Variants in GSE1 observed in about 807,000 individuals in gnomAD.
GSE1 encodes genetic suppressor element 1.
GSE1 carries 32 observed loss-of-function variants against 112.6 expected under a neutral mutation model. The ratio of observed to expected loss-of-function variants is 0.28; its 90% confidence interval spans 0.21 to 0.38. GSE1 has a LOEUF of 0.38. Among genes scored for constraint, GSE1 ranks in the 10% least tolerant of loss-of-function variants. GSE1 has a pLI of 1.00. For missense variants in GSE1, 2,348 were observed against 1,699.2 expected (o/e 1.38, Z -6.71); for synonymous variants, 1,115 against 735.6 (o/e 1.52, Z -8.35).
At chr16:85,430,557 G>A (rs1567480682) in intron 2 of GSE1, among the ~76,000 whole-genome samples, 1 of 152,240 alleles carries the variant, frequency 6.6e-6, no homozygotes, top group Admixed American at 6.5e-5. Context: ...CCAGGGGGCG[G>A]AGGGGTGAGC....
chr16:85,169,617 C>T, exon 1 of GSE1: 3 of 982,764 alleles, frequency 3.1e-6, no homozygotes, highest in African/African-American at 3.5e-5. Flanking sequence ...TCTCCTGCTT[C>T]ATCTGCGGCG....
intron 8 of GSE1, among the ~76,000 whole-genome samples, chr16:85,659,010 C>A (rs901988730): frequency 2.0e-5 from 3 of 152,352 alleles, no homozygotes; most frequent in Admixed American, 6.5e-5. Context: ...TGACAGGGCC[C>A]TCATGCTCCA....
intron 1 of GSE1, among the ~76,000 whole-genome samples, chr16:85,191,622 C>T (rs749396381): frequency 8.5e-5 from 13 of 152,194 alleles, no homozygotes; most frequent in East Asian, 1.9e-4. Flanking sequence ...TGGAACTCTA[C>T]GTGCCGCTGT....
At chr16:85,656,773 G>A in intron 7 of GSE1, 108 bp downstream of exon 7, 1 of 1,400,806 alleles carries the variant, frequency 7.1e-7, no homozygotes, top group Non-Finnish European at 9.4e-7. Flanking sequence ...TTCCCCAGCT[G>A]AGTTCGCCCT....
At chr16:85,170,873 T>A (rs2074348257) in exon 1 of GSE1, 47 of 985,394 alleles carry the variant, frequency 4.8e-5, no homozygotes, top group Non-Finnish European at 5.7e-5. Context: ...CTCTATGTGG[T>A]GCCCCTGGAC....
chr16:85,541,404 C>T (rs2044513477), intron 2 of GSE1, among the ~76,000 whole-genome samples: 1 of 152,244 alleles, frequency 6.6e-6, no homozygotes, highest in Admixed American at 6.5e-5. Flanking sequence ...ACACAGCAGC[C>T]ACCTGGCTGG....
chr16:85,169,597 G>C (rs1057285638), exon 1 of GSE1: 5 of 982,262 alleles, frequency 5.1e-6, no homozygotes, highest in African/African-American at 1.8e-5. Context: ...GGCTGCGGGC[G>C]GCGCGCCGCT....
intron 3 of GSE1, among the ~76,000 whole-genome samples, chr16:85,652,333 G>A (rs1165225257): frequency 2.0e-5 from 3 of 152,202 alleles, no homozygotes; most frequent in South Asian, 2.1e-4. Flanking sequence ...TGCTGACACC[G>A]GCTGGAGACC....
intron 2 of GSE1, among the ~76,000 whole-genome samples, chr16:85,637,843 C>A (rs532271932): frequency 2.0e-5 from 3 of 151,664 alleles, no homozygotes; most frequent in Non-Finnish European, 4.4e-5. Context: ...CAAGCCCCAG[C>A]GGGCTAGCGG....
intron 1 of GSE1, among the ~76,000 whole-genome samples, chr16:85,190,683 G>A (rs1239271307): frequency 6.6e-6 from 1 of 152,288 alleles, no homozygotes; most frequent in Non-Finnish European, 1.5e-5. Flanking sequence ...CAGAATGCCA[G>A]TGCCCTGGGA....
chr16:85,662,741 G>T, intron 9 of GSE1: 1 of 522,562 alleles, frequency 1.9e-6, no homozygotes, highest in Non-Finnish European at 3.4e-6. Context: ...TCAGCCCAGG[G>T]GACCACCCAG....
chr16:85,440,866 C>T (rs773214632), intron 2 of GSE1, among the ~76,000 whole-genome samples: 1 of 152,206 alleles, frequency 6.6e-6, no homozygotes, highest in Non-Finnish European at 1.5e-5. Flanking sequence ...GGCTCAGCCC[C>T]GGCCTGGCTT....
chr16:85,205,874 A>G (rs1041349848), intron 1 of GSE1, among the ~76,000 whole-genome samples: 3 of 152,240 alleles, frequency 2.0e-5, no homozygotes, highest in African/African-American at 7.2e-5. Flanking sequence ...TGCTTCATTC[A>G]TTTAACAAGT....
intron 1 of GSE1, among the ~76,000 whole-genome samples, chr16:85,318,326 C>T (rs1445055070): frequency 6.6e-6 from 1 of 152,206 alleles, no homozygotes; most frequent in Non-Finnish European, 1.5e-5. Flanking sequence ...TGCACTGGTG[C>T]AGCTGTGGCT....
At chr16:85,626,765 G>T (rs28507623) in intron 1 of GSE1, among the ~76,000 whole-genome samples, 3,200 of 152,064 alleles carry the variant, frequency 0.021, 98 homozygotes, top group South Asian at 0.083. Flanking sequence ...CAGTAATTAC[G>T]GGATCCGCGG....
intron 2 of GSE1, among the ~76,000 whole-genome samples, chr16:85,388,510 G>A (rs1416764118): frequency 6.7e-6 from 1 of 150,114 alleles, no homozygotes. Flanking sequence ...ATGGATGGAT[G>A]GATGGATACA....
upstream of GSE1, among the ~76,000 whole-genome samples, chr16:85,606,630 C>G (rs1200154209): frequency 6.6e-6 from 1 of 152,224 alleles, no homozygotes; most frequent in Non-Finnish European, 1.5e-5. Context: ...TTGAGCCAGG[C>G]CCACCACCAG....
At chr16:85,618,411 G>T (rs532425809) in intron 1 of GSE1, among the ~76,000 whole-genome samples, 1 of 152,214 alleles carries the variant, frequency 6.6e-6, no homozygotes, top group African/African-American at 2.4e-5. Flanking sequence ...GGCCTGGAGC[G>T]TGGGGTGAGC....
intron 2 of GSE1, among the ~76,000 whole-genome samples, chr16:85,457,477 T>A (rs1483647162): frequency 1.3e-5 from 2 of 152,128 alleles, no homozygotes; most frequent in Non-Finnish European, 2.9e-5. Context: ...TCCGGTAGGG[T>A]TGGCACAGCA....
Sources: gnomAD v4.1 joint callset for allele counts (sites outside exome capture counted in the v4.1 genomes callset) on GRCh38, gnomAD v4.1.1 for gene constraint, MANE v1.5 for transcripts, NCBI Gene and HGNC (gene_info 2026-07-23, HGNC 2026-07-21) for gene names.